SYNE1: variants seen among roughly 807,000 people sequenced by gnomAD.
SYNE1 encodes the protein spectrin repeat containing nuclear envelope protein 1.
In SYNE1, 616 loss-of-function variants were observed where a neutral mutation model predicts 1,111.0. That is an observed-to-expected ratio of 0.55 (90% confidence interval 0.52 to 0.59). SYNE1 has a LOEUF of 0.59. Ranked by LOEUF, SYNE1 falls within the 20% of genes least tolerant of loss-of-function variation. SYNE1 has a pLI of 0.00. For missense variants in SYNE1, 10,006 were observed against 10,417.0 expected (o/e 0.96, Z 1.72); for synonymous variants, 3,855 against 3,825.8 (o/e 1.01, Z -0.28).
intron 48 of SYNE1, among the ~76,000 whole-genome samples, chr6:152,398,943 T>A (rs111619388): frequency 6.6e-6 from 1 of 152,182 alleles, no homozygotes; most frequent in African/African-American, 2.4e-5. Context: ...TGAGAAGTTA[T>A]CTCAGAGGAA....
At chr6:152,537,438 T>A (rs2099248799) in intron 4 of SYNE1, among the ~76,000 whole-genome samples, 1 of 151,960 alleles carries the variant, frequency 6.6e-6, no homozygotes, top group Non-Finnish European at 1.5e-5. Flanking sequence ...GAAAAGCATA[T>A]TTTTACTTAT....
chr6:152,201,626 TC>T (rs1443147249), intron 127 of SYNE1, among the ~76,000 whole-genome samples, 197 bp downstream of exon 127: 1 of 152,188 alleles, frequency 6.6e-6, no homozygotes, highest in East Asian at 1.9e-4. Context: ...CTTGGAGTAA[TC>T]CATAAACTAG....
chr6:152,385,733 G>A lies in SYNE1; in HGVS notation c.8593C>T (p.Arg2865Trp), dbSNP rs757720748. 64 of 1,613,954 alleles carry A rather than the reference G, an allele frequency of 4.0e-5. No homozygotes were observed. In the South Asian group the frequency reaches 4.1e-4, roughly 10 times the overall value. ...WLHSAKEELH[R>W]WSDMSGDSSA... ...GAATCTCCAGACATATCTGACCACC[G>A]GTGAAGTTCTTCCTTTGCTGAATGG... The change falls in exon 55 of 146, where the codon CGG (arginine) becomes TGG (tryptophan). Residue 2865 changes from arginine (R) to tryptophan (W), a missense_variant. Arg to Trp is a moderately radical substitution (Grantham distance 101). Around this residue, in one of 7 missense-constraint regions of SYNE1, gnomAD observed 4,955 missense variants for 5,017.2 expected, o/e 0.99. Transcript: ENST00000367255.
At chr6:152,265,145 G>T (rs1019028019) in intron 100 of SYNE1, among the ~76,000 whole-genome samples, 1 of 148,122 alleles carries the variant, frequency 6.8e-6, no homozygotes, top group Non-Finnish European at 1.5e-5. Flanking sequence ...GGCAGAGGTT[G>T]CAGTGAGCTG....
intron 58 of SYNE1, among the ~76,000 whole-genome samples, chr6:152,374,392 C>T (rs1374712113): frequency 6.6e-6 from 1 of 152,172 alleles, no homozygotes; most frequent in Non-Finnish European, 1.5e-5. Context: ...GAAACTTTGC[C>T]AGGACATTTG....
At chr6:152,584,248 T>C (rs987593711) in intron 3 of SYNE1, among the ~76,000 whole-genome samples, 17 of 151,908 alleles carry the variant, frequency 1.1e-4, no homozygotes, top group Admixed American at 2.0e-4. Flanking sequence ...TTTCAATAAA[T>C]ATGGAGAGAG....
intron 55 of SYNE1, among the ~76,000 whole-genome samples, chr6:152,382,020 T>C (rs2097426753): frequency 6.6e-6 from 1 of 152,228 alleles, no homozygotes; most frequent in Non-Finnish European, 1.5e-5. Context: ...TCACTAGAAA[T>C]TTAACAGTTT....
chr6:152,624,957 T>C (rs2099682957), intron 3 of SYNE1, among the ~76,000 whole-genome samples: 1 of 152,062 alleles, frequency 6.6e-6, no homozygotes, highest in South Asian at 2.1e-4. Context: ...CTTTATTAGT[T>C]ATGCACAGGT....
intron 3 of SYNE1, among the ~76,000 whole-genome samples, chr6:152,608,947 A>T (rs565224237): frequency 7.1e-4 from 50 of 70,036 alleles, no homozygotes; most frequent in African/African-American, 3.1e-3. Flanking sequence ...ATAAAAAAAT[A>T]AAAAAAAATC....
chr6:152,315,994 AAT>A (rs1239553924), intron 87 of SYNE1: 1 of 152,226 alleles, frequency 6.6e-6, no homozygotes, highest in Non-Finnish European at 1.5e-5. Context: ...AAAAATCTAG[AAT>A]ACTCGATACC....
At chr6:152,627,858 G>T (rs2099689075) in intron 3 of SYNE1, among the ~76,000 whole-genome samples, 1 of 151,868 alleles carries the variant, frequency 6.6e-6, no homozygotes, top group Admixed American at 6.6e-5. Context: ...AATGCCACTG[G>T]TTCACCTATT....
chr6:152,223,116 A>G (rs1366328072), intron 117 of SYNE1, among the ~76,000 whole-genome samples: 6 of 152,218 alleles, frequency 3.9e-5, no homozygotes, highest in African/African-American at 1.4e-4. Context: ...TAATCCTTTC[A>G]TGTCTTAAGA....
chr6:152,612,700 A>G (rs1017279405), intron 3 of SYNE1, among the ~76,000 whole-genome samples: 22 of 152,246 alleles, frequency 1.4e-4, no homozygotes, highest in Non-Finnish European at 2.8e-4. Flanking sequence ...CACAGAAAAA[A>G]GAATTTTAGA....
At chr6:152,405,706 A>G (rs2097888023) in intron 45 of SYNE1, among the ~76,000 whole-genome samples, 1 of 152,206 alleles carries the variant, frequency 6.6e-6, no homozygotes, top group African/African-American at 2.4e-5. Flanking sequence ...TTGGAGCTGT[A>G]ATGTTAGTTT....
In SYNE1 at chr6:152,414,498, C is replaced by G. The variant is rs531166615; in HGVS notation, c.6051-967G>C. Among the ~76,000 whole-genome samples the G allele has an allele frequency of 1.7e-4, 26 of 152,264 alleles. No homozygotes were observed. In the South Asian group the frequency reaches 3.9e-3, roughly 23 times the overall value. On this transcript the variant is annotated intron_variant, in intron 41 of 145. Transcript: ENST00000367255. Reference sequence around the variant, plus strand: ...GGACTGTAGAGTTCACACAATGAGTCTACATGCTTTATCCCATTTAATTCC... The same window carrying G: ...GGACTGTAGAGTTCACACAATGAGTGTACATGCTTTATCCCATTTAATTCC...
intron 128 of SYNE1, among the ~76,000 whole-genome samples, chr6:152,184,726 G>A (rs942691245): frequency 6.6e-6 from 1 of 151,988 alleles, no homozygotes; most frequent in Non-Finnish European, 1.5e-5. Flanking sequence ...TGAAAATGTT[G>A]CTTTCATTTT....
At chr6:152,154,356 C>G (rs1197156413) in intron 133 of SYNE1, among the ~76,000 whole-genome samples, 1 of 151,948 alleles carries the variant, frequency 6.6e-6, no homozygotes, top group Non-Finnish European at 1.5e-5. Flanking sequence ...TTTGGTGACT[C>G]AAGACCAGTA....
chr6:152,394,936 C>T (rs568828643), intron 51 of SYNE1, among the ~76,000 whole-genome samples: 18 of 151,878 alleles, frequency 1.2e-4, no homozygotes, highest in Non-Finnish European at 1.9e-4. Flanking sequence ...GTGCCCTCCA[C>T]CACGCCCAGC....
intron 54 of SYNE1, 118 bp downstream of exon 54, chr6:152,386,954 A>G (rs2097535035): frequency 4.4e-6 from 4 of 913,208 alleles, no homozygotes; most frequent in South Asian, 5.0e-5. Context: ...TTCTCCAACA[A>G]TTTAATCCAC....
Sources: gnomAD v4.1 joint callset for allele counts (sites outside exome capture counted in the v4.1 genomes callset) on GRCh38, gnomAD v4.1.1 for gene constraint, gnomAD v4.1.1 regional missense constraint, MANE v1.5 for transcripts, NCBI Gene and HGNC (gene_info 2026-07-23, HGNC 2026-07-21) for gene names.